The following SEMA5A variants were observed in gnomAD, a reference collection of about 807,000 sequenced individuals.
SEMA5A encodes the protein semaphorin-5A.
In SEMA5A, 55 loss-of-function variants were observed where a neutral mutation model predicts 135.5. The ratio of observed to expected loss-of-function variants is 0.41; its 90% CI spans 0.33 to 0.51. The LOEUF (loss-of-function observed/expected upper bound fraction) is 0.51, where lower values mean the gene tolerates loss of function less well. Among genes scored for constraint, SEMA5A ranks in the 20% least tolerant of loss-of-function variants. The pLI is 0.37. For missense variants in SEMA5A, 1,290 were observed against 1,419.9 expected, an observed-to-expected ratio of 0.91 and a Z score of 1.47; for synonymous variants, 580 against 546.5, an observed-to-expected ratio of 1.06 and a Z score of -0.85.
chr5:9,402,181 G>A (rs931575726), intron 2 of SEMA5A, among the ~76,000 whole-genome samples: 13 of 152,126 alleles, frequency 8.5e-5, no homozygotes, highest in Admixed American at 2.0e-4. Flanking sequence ...TGCAAGTCAC[G>A]GCCAGGGACT....
intron 2 of SEMA5A, among the ~76,000 whole-genome samples, chr5:9,407,094 A>C (rs958178423): frequency 6.6e-6 from 1 of 152,204 alleles, no homozygotes; most frequent in Non-Finnish European, 1.5e-5. Context: ...TCTGTAGCAC[A>C]AGAAACAGTC....
At chr5:9,205,093 T>C (rs1268080357) in intron 8 of SEMA5A, among the ~76,000 whole-genome samples, 1 of 151,968 alleles carries the variant, frequency 6.6e-6, no homozygotes, top group African/African-American at 2.4e-5. Context: ...AAAAAATAAA[T>C]AGTGCTTGCA....
chr5:9,176,577 G>A (rs1744216642), intron 11 of SEMA5A, among the ~76,000 whole-genome samples: 1 of 152,228 alleles, frequency 6.6e-6, no homozygotes, highest in African/African-American at 2.4e-5. Context: ...AACAATGCAA[G>A]AATAACACAT....
At chr5:9,317,910 T>C (rs1380168045) in intron 5 of SEMA5A, among the ~76,000 whole-genome samples, 3 of 152,238 alleles carry the variant, frequency 2.0e-5, no homozygotes, top group Admixed American at 1.3e-4. Flanking sequence ...TTCATTTTGA[T>C]CTATTTCCCT....
chr5:9,068,097 T>C (rs944324688), intron 16 of SEMA5A, among the ~76,000 whole-genome samples: 21 of 152,218 alleles, frequency 1.4e-4, no homozygotes, highest in African/African-American at 5.1e-4. Flanking sequence ...TTCAAGGTTG[T>C]AGTCTTTCTC....
chr5:9,255,000 C>T lies in SEMA5A; in HGVS notation c.271-17110G>A, dbSNP rs375027268. 7.2e-5 allele frequency among the ~76,000 whole-genome samples: 11 copies of T among 152,044 alleles called. No homozygotes were observed. In the South Asian group the frequency reaches 1.7e-3, roughly 23 times the overall value. The stretch of plus-strand genomic sequence containing the variant: ...CACATTTAGGGACCATCAATGAGAA[C>T]GGGGAACCAGCAAAGGCATCCATTG... On this transcript the variant is annotated intron_variant, in intron 5 of 22. Transcript: ENST00000382496.
chr5:9,423,857 G>A (rs1757555169), intron 2 of SEMA5A, among the ~76,000 whole-genome samples: 1 of 152,156 alleles, frequency 6.6e-6, no homozygotes, highest in Non-Finnish European at 1.5e-5. Flanking sequence ...GATTCAATGA[G>A]TCAACAAGTA....
chr5:9,330,567 G>C (rs1397155977), intron 4 of SEMA5A, among the ~76,000 whole-genome samples: 6 of 152,100 alleles, frequency 3.9e-5, no homozygotes, highest in Non-Finnish European at 8.8e-5. Flanking sequence ...AGCAGAGCTG[G>C]GAGGGGCATC....
intron 4 of SEMA5A, among the ~76,000 whole-genome samples, chr5:9,325,991 T>C (rs1752855528): frequency 6.6e-6 from 1 of 152,218 alleles, no homozygotes; most frequent in Admixed American, 6.5e-5. Flanking sequence ...CGTTTGTTGC[T>C]GATTAATAAA....
At chr5:9,537,843 T>C (rs1210487058) in intron 1 of SEMA5A, among the ~76,000 whole-genome samples, 1 of 152,164 alleles carries the variant, frequency 6.6e-6, no homozygotes, top group African/African-American at 2.4e-5. Flanking sequence ...AAATACTCTA[T>C]TACCAGTGGA....
At chr5:9,417,331 G>A (rs1436731862) in intron 2 of SEMA5A, among the ~76,000 whole-genome samples, 1 of 152,310 alleles carries the variant, frequency 6.6e-6, no homozygotes, top group Non-Finnish European at 1.5e-5. Flanking sequence ...TTTATACATA[G>A]AATATAGTTA....
At chr5:9,382,132 C>T (rs1755648157) in intron 2 of SEMA5A, among the ~76,000 whole-genome samples, 1 of 151,882 alleles carries the variant, frequency 6.6e-6, no homozygotes, top group African/African-American at 2.4e-5. Flanking sequence ...TTCGTCTCTA[C>T]AAAAAATAAA....
intron 5 of SEMA5A, among the ~76,000 whole-genome samples, chr5:9,273,062 A>G (rs772940690): frequency 2.0e-5 from 3 of 152,158 alleles, no homozygotes. Flanking sequence ...AAACTCCTCT[A>G]AGGTAAAGGA....
chr5:9,474,647 G>A (rs924885), intron 1 of SEMA5A, among the ~76,000 whole-genome samples: 2 of 152,230 alleles, frequency 1.3e-5, no homozygotes, highest in Non-Finnish European at 2.9e-5. Flanking sequence ...GAATGTGCCC[G>A]TGATTGCAGA....
intron 1 of SEMA5A, among the ~76,000 whole-genome samples, chr5:9,504,389 G>C (rs1700580): frequency 0.97 from 147,862 of 152,296 alleles, 72,030 homozygotes; most frequent in Non-Finnish European, 1. Flanking sequence ...ATGTATTTAG[G>C]AAATATTCAG....
intron 13 of SEMA5A, among the ~76,000 whole-genome samples, chr5:9,135,481 T>C (rs1741685952): frequency 6.6e-6 from 1 of 151,920 alleles, no homozygotes; most frequent in Non-Finnish European, 1.5e-5. Context: ...GTGCCCGGCC[T>C]GGTTTTCCGA....
At chr5:9,126,854 G>T (rs1001366869) in intron 13 of SEMA5A, among the ~76,000 whole-genome samples, 3 of 152,188 alleles carry the variant, frequency 2.0e-5, no homozygotes, top group Non-Finnish European at 4.4e-5. Context: ...CAATTGCAAT[G>T]TTATCTATAG....
At chr5:9,266,160 C>T (rs1419013615) in intron 5 of SEMA5A, among the ~76,000 whole-genome samples, 2 of 152,164 alleles carry the variant, frequency 1.3e-5, no homozygotes, top group Non-Finnish European at 2.9e-5. Context: ...GGGAATGGTT[C>T]GAGTCTCTGA....
At chr5:9,288,283 G>T (rs1040280462) in intron 5 of SEMA5A, among the ~76,000 whole-genome samples, 1 of 152,180 alleles carries the variant, frequency 6.6e-6, no homozygotes, top group Non-Finnish European at 1.5e-5. Context: ...CCAAAGGAAT[G>T]CTGGGGGATA....
Sources: allele counts gnomAD v4.1 joint callset (sites outside exome capture counted in the v4.1 genomes callset), GRCh38; gene constraint gnomAD v4.1.1; transcripts MANE v1.5; gene names NCBI Gene and HGNC (gene_info 2026-07-23, HGNC 2026-07-21).